Variants in USH2A observed in about 807,000 individuals in gnomAD.
The protein encoded by USH2A is usherin, also known as Usher syndrome 2A (autosomal recessive, mild).
A neutral mutation model predicts 538.9 loss-of-function variants in USH2A; 443 were observed. The observed-to-expected ratio is 0.82, with a 90% CI of 0.76 to 0.89. The LOEUF is 0.89. Ranked by LOEUF, USH2A falls within the 40% of genes least tolerant of loss-of-function variation. The pLI, the probability that USH2A is intolerant of heterozygous loss-of-function variation, is 0.00. For missense variants in USH2A, 6,633 were observed against 6,324.8 expected (o/e 1.05, Z -1.65); for synonymous variants, 2,413 against 2,273.5 (o/e 1.06, Z -1.75).
chr1:216,073,559 T>C (rs2031638338), intron 27 of USH2A, among the ~76,000 whole-genome samples: 2 of 152,322 alleles, frequency 1.3e-5, no homozygotes, highest in South Asian at 4.1e-4. Context: ...AAAAAGCATT[T>C]ATTTTACCTC....
chr1:215,988,335 T>A (rs1225281956), intron 35 of USH2A, among the ~76,000 whole-genome samples: 1 of 152,228 alleles, frequency 6.6e-6, no homozygotes, highest in Non-Finnish European at 1.5e-5. Context: ...TCCTCAAGTT[T>A]CATCCAGAGC....
intron 30 of USH2A, among the ~76,000 whole-genome samples, chr1:216,066,356 C>T (rs1208892785): frequency 2.0e-5 from 3 of 152,052 alleles, no homozygotes; most frequent in Non-Finnish European, 2.9e-5. Context: ...GTCCCAGCTA[C>T]TGGGGAGGCT....
At chr1:215,999,328 G>A (rs894017477) in intron 33 of USH2A, among the ~76,000 whole-genome samples, 1 of 152,082 alleles carries the variant, frequency 6.6e-6, no homozygotes, top group African/African-American at 2.4e-5. Context: ...TATTTATTTT[G>A]AATTTAAGCT....
intron 23 of USH2A, among the ~76,000 whole-genome samples, chr1:216,087,739 C>T (rs1393840840): frequency 6.6e-6 from 1 of 152,076 alleles, no homozygotes; most frequent in African/African-American, 2.4e-5. Flanking sequence ...CACAGTATAA[C>T]CAGAATCTGA....
chr1:216,295,496 A>C (rs1027286816), intron 9 of USH2A, among the ~76,000 whole-genome samples: 2 of 151,932 alleles, frequency 1.3e-5, no homozygotes, highest in African/African-American at 4.8e-5. Flanking sequence ...TTATAAAGTT[A>C]ATTTTGATAT....
At chr1:216,046,690 C>T in intron 31 of USH2A, 98 bp from the exon 32 acceptor site, 2 of 1,409,108 alleles carry the variant, frequency 1.4e-6, no homozygotes, top group South Asian at 2.4e-5. Context: ...AACCTGAAAT[C>T]CCATGCATGG....
rs750228923 is a variant in USH2A at position 216,324,281 on chromosome 1, AT to A, written c.1214del (p.Asn405IlefsTer3). 1.5e-5 allele frequency: 25 copies of A among 1,613,112 alleles called. No individual in the cohort carries two copies. Among genetic ancestry groups the A allele is most frequent in the Admixed American group, 5.0e-5 (3 of 59,856 alleles). On this transcript the variant is annotated frameshift_variant, in exon 7 of 72. Transcript: ENST00000307340. LOFTEE classifies it high-confidence loss of function. ...TEIRIQRKKE[N>X]SLDWEDWQYF... ...ATTGCCAGTCCTCCCAATCTAAACT[AT>A]TTTCCTTCTTCCTTTGAATCCTTAT...
chr1:216,187,296 C>T (rs1346941034), intron 20 of USH2A, among the ~76,000 whole-genome samples: 4 of 151,808 alleles, frequency 2.6e-5, no homozygotes, highest in Non-Finnish European at 1.5e-5. Flanking sequence ...AACCCAAATG[C>T]TGAGTATAAT....
chr1:216,242,755 C>G (rs1379678055), intron 13 of USH2A, among the ~76,000 whole-genome samples: 2 of 152,032 alleles, frequency 1.3e-5, no homozygotes, highest in African/African-American at 2.4e-5. Flanking sequence ...AATAAATAGT[C>G]TATTTGGTAA....
intron 44 of USH2A, among the ~76,000 whole-genome samples, chr1:215,860,643 C>A (rs1664291023): frequency 6.6e-6 from 1 of 152,122 alleles, no homozygotes. Flanking sequence ...GCTCCAGTGG[C>A]AAATTTGAGT....
At chr1:216,329,527 A>C (rs2102661626) in intron 4 of USH2A, among the ~76,000 whole-genome samples, 1 of 152,244 alleles carries the variant, frequency 6.6e-6, no homozygotes, top group Non-Finnish European at 1.5e-5. Context: ...TTGTCAAGGA[A>C]GCTGGGCCTG....
intron 3 of USH2A, among the ~76,000 whole-genome samples, chr1:216,398,893 T>A (rs2039262103): frequency 6.6e-6 from 1 of 152,198 alleles, no homozygotes; most frequent in South Asian, 2.1e-4. Flanking sequence ...TTATTTTCTG[T>A]CCTCTGCTCA....
rs1250150836 is a variant in USH2A, at chr1:215,888,983, G to C, written c.7666C>G (p.Pro2556Ala). ...GTAATAACCCCATTGGATTTTCTAG[G>C]ATGCTGCCAGGTGACCAACATCATT... is the stretch of plus-strand genomic sequence containing the variant. ...SRMMLVTWQH[P>A]RKSNGVITHY... Residue 2556 changes from proline to alanine, a missense_variant, in exon 41 of 72, where the codon CCT becomes GCT. Coordinates refer to ENST00000307340, the MANE Select transcript of USH2A (RefSeq NM_206933.4). 1 of 1,614,058 alleles carries C rather than the reference G, an allele frequency of 6.2e-7. No homozygotes were observed.
intron 38 of USH2A, among the ~76,000 whole-genome samples, chr1:215,917,373 C>T (rs536013605): frequency 6.6e-6 from 1 of 152,048 alleles, no homozygotes; most frequent in South Asian, 2.1e-4. Flanking sequence ...ATTGCTTGAG[C>T]CCTTTGTTTA....
At chr1:216,204,858 A>T (rs1280393490) in intron 16 of USH2A, among the ~76,000 whole-genome samples, 1 of 152,208 alleles carries the variant, frequency 6.6e-6, no homozygotes, top group African/African-American at 2.4e-5. Flanking sequence ...CACATCATTA[A>T]TTACAGTGAT....
chr1:215,881,987 C>T (rs1664922967), intron 41 of USH2A, among the ~76,000 whole-genome samples: 1 of 152,202 alleles, frequency 6.6e-6, no homozygotes. Context: ...GAAACTTAGA[C>T]ATGCAGGTTA....
Position 216,217,399 on chromosome 1 carries a change from C to T in USH2A, c.3145G>A (p.Gly1049Ser), listed in dbSNP as rs1188727801. 6.2e-7 allele frequency: 1 copy of T among 1,612,974 alleles called. No homozygotes were observed. Among genetic ancestry groups the T allele is most frequent in the South Asian group, 1.1e-5 (1 of 91,060 alleles). Residue 1049 changes from glycine (G) to serine (S), a missense_variant, in exon 15 of 72, where the codon GGT (glycine) becomes AGT (serine). Physicochemically the swap from Gly to Ser is moderately conservative, Grantham distance 56. Coordinates refer to ENST00000307340, the MANE Select transcript of USH2A (RefSeq NM_206933.4). ...ASHLDVNNLL[G>S]CSKTPFQQPP... ...AGAGTTCACTTACTTTTGCTGCAAC[C>T]CAATAGATTGTTGACATCCAAGTGG... is the stretch of plus-strand genomic sequence containing the variant.
chr1:216,294,568 A>C (rs1459681907), intron 9 of USH2A, among the ~76,000 whole-genome samples: 1 of 151,604 alleles, frequency 6.6e-6, no homozygotes, highest in African/African-American at 2.4e-5. Context: ...GGGAGTGGAT[A>C]TATATCTAAG....
Position 216,104,959 on chromosome 1 carries a change from A to G in USH2A, c.4628-7746T>C, listed in dbSNP as rs187837212. Among the ~76,000 whole-genome samples, 308 of 152,298 alleles carry G rather than the reference A, an allele frequency of 2.0e-3. 1 individual carries two copies. Among genetic ancestry groups the G allele is most frequent in the Middle Eastern group, 3.4e-3 (1 of 294 alleles). On this transcript the variant is annotated intron_variant, in intron 21 of 71. Coordinates refer to ENST00000307340, the MANE Select transcript of USH2A (RefSeq NM_206933.4). ...CTAATATCCAGAATCAAACAAATTT[A>G]CAAGAAAGAAACAAACAACCCCATC...
Sources: allele counts gnomAD v4.1 joint callset (sites outside exome capture counted in the v4.1 genomes callset), GRCh38; gene constraint gnomAD v4.1.1; transcripts MANE v1.5; gene names NCBI Gene and HGNC (gene_info 2026-07-23, HGNC 2026-07-21).